Variants in WDR7 observed in about 807,000 individuals in gnomAD.
WDR7 encodes WD repeat domain 7, also known as WD repeat-containing protein 7.
In WDR7, 46 loss-of-function variants were observed where a neutral mutation model predicts 169.4. The ratio of observed to expected loss-of-function variants is 0.27; its 90% CI spans 0.21 to 0.35. The LOEUF (loss-of-function observed/expected upper bound fraction) is 0.35. WDR7 is among the 10% of genes least tolerant of loss of function. The probability of loss-of-function intolerance (pLI) is 1.00; values close to 1 mark genes in which losing one functional copy is unlikely to be tolerated. For synonymous variants in WDR7, 612 were observed against 666.8 expected (o/e 0.92, Z 1.27); for missense variants, 1,534 against 1,859.3 (o/e 0.83, Z 3.22).
intron 21 of WDR7, 21 bp downstream of exon 21, chr18:56,880,186 T>C: frequency 6.2e-7 from 1 of 1,604,192 alleles, no homozygotes; most frequent in Non-Finnish European, 8.5e-7. Flanking sequence ...AAACTTCTAA[T>C]GCTGATCTGT....
At chr18:56,861,279 C>T (rs1035474991) in intron 20 of WDR7, among the ~76,000 whole-genome samples, 3 of 152,172 alleles carry the variant, frequency 2.0e-5, no homozygotes, top group African/African-American at 4.8e-5. Flanking sequence ...CAACCTTCAA[C>T]TTGATTCGTG....
intron 1 of WDR7, among the ~76,000 whole-genome samples, chr18:56,666,495 C>A (rs1264939300): frequency 6.6e-6 from 1 of 152,072 alleles, no homozygotes; most frequent in East Asian, 1.9e-4. Context: ...AGCCACTGCG[C>A]CCGGCCTCAT....
chr18:57,026,953 G>T, intron 27 of WDR7, 51 bp from the exon 28 acceptor site: 1 of 1,567,630 alleles, frequency 6.4e-7, no homozygotes, highest in Non-Finnish European at 8.7e-7. Context: ...TCTGTGATAG[G>T]GAAAGGGAGA....
rs77011575 is a variant in WDR7, at chr18:56,802,190, A to G, written c.3191-13841A>G. On this transcript the variant is annotated intron_variant, in intron 19 of 27. Coordinates refer to ENST00000254442, the MANE Select transcript of WDR7 (RefSeq NM_015285.3). ...TTATATCTCACTATGATTTTAGTTC[A>G]TATTTCCTTAATGACTAATAATGTT... 9.2e-3 allele frequency among the ~76,000 whole-genome samples: 1,403 copies of G among 152,216 alleles called. 21 individuals carry two copies. Among genetic ancestry groups the G allele is most frequent in the African/African-American group, 0.032 (1,323 of 41,516 alleles).
intron 6 of WDR7, among the ~76,000 whole-genome samples, chr18:56,686,517 G>C (rs1417358719): frequency 1.3e-5 from 2 of 152,038 alleles, no homozygotes; most frequent in Non-Finnish European, 2.9e-5. Context: ...TGGAATTCAG[G>C]AGAAGATAGA....
intron 19 of WDR7, among the ~76,000 whole-genome samples, chr18:56,809,246 A>T: frequency 6.6e-6 from 1 of 151,974 alleles, no homozygotes; most frequent in East Asian, 1.9e-4. Flanking sequence ...TTTTTATTAT[A>T]TCTCTTTACT....
Position 56,776,976 on chromosome 18 carries a change from T to TA in WDR7, c.2947+97dup. 3 of 1,162,070 alleles carry TA rather than the reference T, an allele frequency of 2.6e-6. No individual in the cohort carries two copies. The South Asian group carries it at 3.7e-5, about 14-fold the overall frequency. 72.0% of individuals were successfully genotyped at this position (1,162,070 alleles called of 1,614,324 possible). On this transcript the variant is annotated intron_variant, in intron 17 of 27. Transcript: ENST00000254442. The stretch of plus-strand genomic sequence containing the variant: ...TGAGTTACACATTCATCTGCTTTGT[T>TA]ATGTATGAGATTCTAAAGTTCCCAT...
chr18:57,027,491 G>A lies in WDR7; in HGVS notation c.*284G>A. On this transcript the variant is annotated 3_prime_UTR_variant, in exon 28 of 28. Coordinates refer to ENST00000254442, the MANE Select transcript of WDR7 (RefSeq NM_015285.3). The stretch of plus-strand genomic sequence containing the variant: ...GGCAGGGGAAAGCCAGTGGTTCCTG[G>A]GAACGCTCTTGTTGCTTGGTGCAAC... 1 of 468,558 alleles carries A rather than the reference G, an allele frequency of 2.1e-6. No homozygotes were observed. The highest frequency in any genetic ancestry group is 3.8e-6 in the Non-Finnish European group (1 of 260,380). 29.0% of individuals were successfully genotyped at this position (468,558 alleles called of 1,614,324 possible). A position where few individuals can be genotyped will look rare whatever the true frequency, so the allele number is the denominator to read the frequency against.
intron 26 of WDR7, among the ~76,000 whole-genome samples, chr18:56,970,207 A>G (rs180687555): frequency 2.7e-4 from 41 of 151,618 alleles, no homozygotes; most frequent in Non-Finnish European, 8.8e-5. Context: ...GATCTGTTGA[A>G]ATTGCTTTCT....
intron 19 of WDR7, among the ~76,000 whole-genome samples, chr18:56,786,637 T>C (rs1430603379): frequency 6.6e-6 from 1 of 152,050 alleles, no homozygotes; most frequent in African/African-American, 2.4e-5. Context: ...AGTCAGGAAA[T>C]ACTATTTTAT....
chr18:56,696,519 A>G (rs1378945261), intron 12 of WDR7, 57 bp downstream of exon 12: 2 of 1,315,290 alleles, frequency 1.5e-6, no homozygotes, highest in African/African-American at 2.9e-5. Context: ...TTATATTACT[A>G]TCAGGAATGT....
intron 19 of WDR7, among the ~76,000 whole-genome samples, chr18:56,801,483 A>G (rs1404297974): frequency 6.6e-6 from 1 of 152,200 alleles, no homozygotes; most frequent in Non-Finnish European, 1.5e-5. Flanking sequence ...TTTGTATACA[A>G]TAAAGTTTAT....
chr18:56,837,212 C>G (rs1439894351), intron 20 of WDR7, among the ~76,000 whole-genome samples: 1 of 152,176 alleles, frequency 6.6e-6, no homozygotes, highest in Non-Finnish European at 1.5e-5. Flanking sequence ...AAACTAGCAA[C>G]TATTCAGATA....
intron 19 of WDR7, among the ~76,000 whole-genome samples, chr18:56,782,790 G>T (rs1220490184): frequency 6.6e-6 from 1 of 152,134 alleles, no homozygotes; most frequent in Non-Finnish European, 1.5e-5. Context: ...ATCTTTGCCA[G>T]TGGTGACTCT....
In WDR7 at chr18:56,776,894, CT is replaced by C. The variant is rs2044250900; in HGVS notation, c.2947+16del. 3 of 1,595,510 alleles carry C rather than the reference CT, an allele frequency of 1.9e-6. No individual in the cohort carries two copies. In the East Asian group the frequency reaches 6.7e-5, roughly 36 times the overall value. On this transcript the variant is annotated intron_variant, in intron 17 of 27. Coordinates refer to ENST00000254442, the MANE Select transcript of WDR7 (RefSeq NM_015285.3). ...TAGTAAATGAAGGTATCTCTCTCAA[CT>C]TCTAACAACTTTCTCTCAATCTGTG...
chr18:56,785,151 C>T (rs2044378527), intron 19 of WDR7, among the ~76,000 whole-genome samples: 1 of 152,104 alleles, frequency 6.6e-6, no homozygotes, highest in South Asian at 2.1e-4. Flanking sequence ...TGAGGAATGA[C>T]CACATAGGGC....
At chr18:56,898,765 G>A (rs1478540009) in intron 21 of WDR7, among the ~76,000 whole-genome samples, 1 of 152,072 alleles carries the variant, frequency 6.6e-6, no homozygotes, top group Non-Finnish European at 1.5e-5. Flanking sequence ...TAAATACAGT[G>A]TGGGATCTAG....
chr18:56,706,722 C>G (rs1423926956), intron 12 of WDR7, among the ~76,000 whole-genome samples: 2 of 151,782 alleles, frequency 1.3e-5, no homozygotes, highest in African/African-American at 4.8e-5. Flanking sequence ...GAGTCTCGCT[C>G]TGTCACCCAG....
At position 56,801,685 on chromosome 18, in the gene WDR7, A is replaced by G. The variant is rs80169307; in HGVS notation, c.3191-14346A>G. Among the ~76,000 whole-genome samples the G allele has an allele frequency of 1.6e-3, 242 of 151,994 alleles. 1 individual carries two copies. The highest frequency in any genetic ancestry group is 2.4e-3 in the Non-Finnish European group (161 of 67,902). ...ACAGTTTTTCCTTTTCCAAAATTCC[A>G]TATAAATGGAACCTAACCTGTAGTC... On this transcript the variant is annotated intron_variant, in intron 19 of 27. Transcript: ENST00000254442.
Sources: allele counts gnomAD v4.1 joint callset (sites outside exome capture counted in the v4.1 genomes callset), GRCh38; gene constraint gnomAD v4.1.1; transcripts MANE v1.5; gene names NCBI Gene and HGNC (gene_info 2026-07-23, HGNC 2026-07-21).